DSG4: variants seen among roughly 807,000 people sequenced by gnomAD.
DSG4 encodes the protein desmoglein-4.
A neutral mutation model predicts 93.1 loss-of-function variants in DSG4; 87 were observed. That is an observed-to-expected ratio of 0.93 (90% CI 0.79 to 1.12). The LOEUF is 1.12. Ranked by LOEUF, DSG4 falls within the 50% of genes most tolerant of loss-of-function variation. The pLI is 0.00. For synonymous variants in DSG4, 432 were observed against 452.9 expected, an observed-to-expected ratio of 0.95 and a Z score of 0.59; for missense variants, 1,373 against 1,285.7, an observed-to-expected ratio of 1.07 and a Z score of -1.04.
At chr18:31,380,790 A>T (rs969012343) in intron 1 of DSG4, among the ~76,000 whole-genome samples, 1 of 152,224 alleles carries the variant, frequency 6.6e-6, no homozygotes, top group African/African-American at 2.4e-5. Flanking sequence ...ATAGAGATGA[A>T]ACAGTAGCCT....
In DSG4 at chr18:31,390,823, G is replaced by GT. The variant is rs2072240245; in HGVS notation, c.684+2dup. ...CATGTCCAGTTTCTTGGACAGAGAGGTAAAGCCTTCTGTGAATGAACAAGA... is the reference window on the plus strand; with the variant it reads ...CATGTCCAGTTTCTTGGACAGAGAGGTTAAAGCCTTCTGTGAATGAACAAGA... On this transcript the variant is annotated splice_donor_variant, in intron 6 of 15. Transcript: ENST00000308128. LOFTEE classifies it high-confidence loss of function. 1 of 1,613,088 alleles carries GT rather than the reference G, an allele frequency of 6.2e-7. No homozygotes were observed. The highest frequency in any genetic ancestry group is 2.2e-5 in the East Asian group (1 of 44,852).
chr18:31,390,323 T>G (rs995369670), intron 5 of DSG4, among the ~76,000 whole-genome samples: 14 of 152,104 alleles, frequency 9.2e-5, no homozygotes, highest in African/African-American at 3.1e-4. Context: ...TGGCAAAAAA[T>G]AAAACAGATA....
chr18:31,403,759 T>A, intron 11 of DSG4, 125 bp downstream of exon 11: 13 of 869,496 alleles, frequency 1.5e-5, no homozygotes, highest in Middle Eastern at 2.6e-4. Context: ...CATATTAACA[T>A]TAAATGAAAA....
intron 1 of DSG4, among the ~76,000 whole-genome samples, chr18:31,379,200 C>A (rs2072108496): frequency 6.6e-6 from 1 of 152,150 alleles, no homozygotes. Flanking sequence ...ATTCAGAAGT[C>A]CCGGGTTTGA....
At chr18:31,395,560 CCT>C (rs34399613) in intron 8 of DSG4, among the ~76,000 whole-genome samples, 7,176 of 152,194 alleles carry the variant, frequency 0.047, 523 homozygotes, top group African/African-American at 0.16. Context: ...TGGTGGTCAG[CCT>C]CTCATTCCAG....
chr18:31,391,213 G>T lies in DSG4; in HGVS notation c.819+1G>T. 6.2e-7 allele frequency: 1 copy of T among 1,613,354 alleles called. No homozygotes were observed. The highest frequency in any genetic ancestry group is 8.5e-7 in the Non-Finnish European group (1 of 1,179,506). On this transcript the variant is annotated splice_donor_variant, in intron 7 of 15. Transcript: ENST00000308128. LOFTEE classifies it high-confidence loss of function. ...TTTCCCCACCTTAGAGAAAACTTCA[G>T]TAAGTTTGTATTCTTATCTTCCTTT... is the stretch of plus-strand genomic sequence containing the variant.
chr18:31,379,641 C>A lies in DSG4; in HGVS notation c.48+2682C>A, dbSNP rs1488233682. Among the ~76,000 whole-genome samples, 3 of 152,156 alleles carry A rather than the reference C, an allele frequency of 2.0e-5. No homozygotes were observed. The South Asian group carries it at 6.2e-4, about 31-fold the overall frequency. On this transcript the variant is annotated intron_variant, in intron 1 of 15. Transcript: ENST00000308128. ...AGCACTTCCATTAAATAGTCTAATTCTTGGAAGTTAAAAAGGTAGGTGGCT... is the reference window on the plus strand; with the variant it reads ...AGCACTTCCATTAAATAGTCTAATTATTGGAAGTTAAAAAGGTAGGTGGCT...
Position 31,412,236 on chromosome 18 carries a change from G to A in DSG4, c.2356-592G>A, listed in dbSNP as rs1014518377. ...TTTTGCAACAACATGGATGGAACTG[G>A]AGGACACTGTTAAGTGAAATATGCC... On this transcript the variant is annotated intron_variant, in intron 15 of 15. Transcript: ENST00000308128. 3.9e-5 allele frequency among the ~76,000 whole-genome samples: 6 copies of A among 152,312 alleles called. No individual in the cohort carries two copies. The East Asian group carries it at 9.6e-4, about 24-fold the overall frequency.
chr18:31,409,921 A>G, intron 14 of DSG4, 113 bp downstream of exon 14: 4 of 1,230,648 alleles, frequency 3.3e-6, no homozygotes, highest in Non-Finnish European at 4.7e-6. Flanking sequence ...TTTGGGTGAC[A>G]GTATAATTAG....
intron 9 of DSG4, among the ~76,000 whole-genome samples, 186 bp from the exon 10 acceptor site, chr18:31,400,695 C>T (rs1393774538): frequency 6.6e-6 from 1 of 151,954 alleles, no homozygotes; most frequent in Non-Finnish European, 1.5e-5. Context: ...AACTTGCAGA[C>T]CTGTATATTA....
intron 12 of DSG4, among the ~76,000 whole-genome samples, chr18:31,407,838 T>C (rs1044104846): frequency 6.6e-5 from 10 of 152,280 alleles, no homozygotes; most frequent in African/African-American, 2.4e-4. Context: ...TCAACCCTAG[T>C]TGTACATAAG....
At position 31,407,804 on chromosome 18, in the gene DSG4, G is replaced by A. The variant is rs535704508; in HGVS notation, c.1933+1431G>A. 1.8e-4 allele frequency among the ~76,000 whole-genome samples: 28 copies of A among 152,236 alleles called. 2 individuals are homozygous for A. In the South Asian group the frequency reaches 3.9e-3, roughly 21 times the overall value. ...TCTACAGCAATTGAGTAGTGGTTTC[G>A]GGTAAGCTTTGAGTTAGCGGTTCTC... is the stretch of plus-strand genomic sequence containing the variant. On this transcript the variant is annotated intron_variant, in intron 12 of 15. Transcript: ENST00000308128.
chr18:31,397,396 G>C (rs2072317327), intron 8 of DSG4, among the ~76,000 whole-genome samples: 1 of 152,106 alleles, frequency 6.6e-6, no homozygotes, highest in Non-Finnish European at 1.5e-5. Context: ...ACTTTATGAA[G>C]AGACTCCAGA....
At chr18:31,411,642 C>A (rs1049837658) in intron 15 of DSG4, among the ~76,000 whole-genome samples, 194 bp downstream of exon 15, 1 of 152,116 alleles carries the variant, frequency 6.6e-6, no homozygotes. Context: ...TATTCAACTG[C>A]CATAGCGCAT....
At chr18:31,397,683 T>G (rs539844141) in intron 8 of DSG4, among the ~76,000 whole-genome samples, 3 of 152,032 alleles carry the variant, frequency 2.0e-5, no homozygotes, top group Non-Finnish European at 4.4e-5. Context: ...CAAGCAAAAG[T>G]GCATTTGTGT....
chr18:31,396,203 C>A (rs2144189000), intron 8 of DSG4, among the ~76,000 whole-genome samples: 1 of 151,798 alleles, frequency 6.6e-6, no homozygotes, highest in East Asian at 1.9e-4. Context: ...GGAATTCTAA[C>A]AAAAAAATTG....
At chr18:31,390,986 A>C in intron 6 of DSG4, 92 bp from the exon 7 acceptor site, 2 of 1,551,184 alleles carry the variant, frequency 1.3e-6, no homozygotes, top group Non-Finnish European at 1.8e-6. Context: ...TTGGATATGT[A>C]AATAAAAGAG....
chr18:31,404,947 A>G (rs2072408369), intron 11 of DSG4, among the ~76,000 whole-genome samples: 1 of 152,206 alleles, frequency 6.6e-6, no homozygotes, highest in Non-Finnish European at 1.5e-5. Flanking sequence ...AAAAAATATA[A>G]CCACACTGGA....
rs1213919986 is a variant in DSG4 at position 31,391,147 on chromosome 18, G to A, written c.754G>A (p.Glu252Lys). 8.1e-6 allele frequency: 13 copies of A among 1,613,670 alleles called. No homozygotes were observed. Among genetic ancestry groups the A allele is most frequent in the Non-Finnish European group, 1.1e-5 (13 of 1,179,788 alleles). ...RDGAADGLSS[E>K]CDCRIKVLDV... ...TGGAGCTGCAGATGGACTGTCTTCT[G>A]AGTGTGACTGTAGAATCAAGGTTTT... The change falls in exon 7 of 16, where the codon GAG (glutamate) becomes AAG (lysine). Residue 252 changes from glutamate to lysine, a missense_variant. Transcript: ENST00000308128.
Sources: allele counts gnomAD v4.1 joint callset (sites outside exome capture counted in the v4.1 genomes callset), GRCh38; gene constraint gnomAD v4.1.1; transcripts MANE v1.5; gene names NCBI Gene and HGNC (gene_info 2026-07-23, HGNC 2026-07-21).